The following DSCAML1 variants were observed in gnomAD, a reference collection of about 807,000 sequenced individuals.
The protein encoded by DSCAML1 is DS cell adhesion molecule like 1, also known as cell adhesion molecule DSCAML1.
In DSCAML1, 38 loss-of-function variants were observed where a neutral mutation model predicts 200.5. That is an observed-to-expected ratio of 0.19 (90% confidence interval 0.15 to 0.25). DSCAML1 has a LOEUF of 0.25. Ranked by LOEUF, DSCAML1 falls within the 10% of genes least tolerant of loss-of-function variation. DSCAML1 has a pLI of 1.00. For synonymous variants in DSCAML1, 1,215 were observed against 1,165.0 expected (o/e 1.04, Z -0.87); for missense variants, 2,223 against 2,858.8 (o/e 0.78, Z 5.07).
chr11:117,605,261 G>A (rs79198917), intron 3 of DSCAML1, among the ~76,000 whole-genome samples: 5,724 of 151,972 alleles, frequency 0.038, 186 homozygotes, highest in African/African-American at 0.085. Flanking sequence ...CCCAAAGCAC[G>A]GCTGGTCTGA....
At chr11:117,804,164 G>T (rs1413107476) in intron 1 of DSCAML1, among the ~76,000 whole-genome samples, 5 of 152,248 alleles carry the variant, frequency 3.3e-5, no homozygotes, top group African/African-American at 1.2e-4. Context: ...TGCCCCAGTG[G>T]TGAGTGGGCT....
At chr11:117,610,850 CCCACAATG>C (rs1467094084) in intron 3 of DSCAML1, among the ~76,000 whole-genome samples, 1 of 149,320 alleles carries the variant, frequency 6.7e-6, no homozygotes, top group Non-Finnish European at 1.5e-5. Flanking sequence ...ACCCCCCCCC[CCCACAATG>C]TGTTCGTAGA....
At chr11:117,789,232 T>C (rs967747740) in intron 1 of DSCAML1, among the ~76,000 whole-genome samples, 67 of 152,202 alleles carry the variant, frequency 4.4e-4, no homozygotes, top group African/African-American at 1.6e-3. Flanking sequence ...CAAGGCCCTG[T>C]GCCATCAGCT....
chr11:117,536,796 T>C (rs1591235552), intron 3 of DSCAML1, among the ~76,000 whole-genome samples: 1 of 152,142 alleles, frequency 6.6e-6, no homozygotes, highest in Admixed American at 6.5e-5. Flanking sequence ...GAGTGGTTGG[T>C]TTCTGCTTTT....
At chr11:117,611,549 T>C (rs908044404) in intron 3 of DSCAML1, 1 of 152,202 alleles carries the variant, frequency 6.6e-6, no homozygotes, top group South Asian at 2.1e-4. Context: ...AACCTTTTTA[T>C]TGAATGACTG....
At chr11:117,793,284 TC>T (rs2055509611) in intron 1 of DSCAML1, among the ~76,000 whole-genome samples, 2 of 152,180 alleles carry the variant, frequency 1.3e-5, no homozygotes, top group Middle Eastern at 3.4e-3. Flanking sequence ...AGAAAGTGCT[TC>T]AGGAACTAGG....
At chr11:117,688,016 C>T (rs2053434405) in intron 3 of DSCAML1, among the ~76,000 whole-genome samples, 1 of 152,136 alleles carries the variant, frequency 6.6e-6, no homozygotes, top group African/African-American at 2.4e-5. Context: ...CCAAGCCATT[C>T]CCCGTGGTCG....
At chr11:117,542,869 C>T (rs995313111) in intron 3 of DSCAML1, among the ~76,000 whole-genome samples, 4 of 152,192 alleles carry the variant, frequency 2.6e-5, no homozygotes, top group Non-Finnish European at 5.9e-5. Flanking sequence ...CCTGGGGCTC[C>T]TGAACACAAA....
At chr11:117,458,963 G>A (rs1209033379) in intron 18 of DSCAML1, 54 bp from the exon 19 acceptor site, 22 of 1,586,102 alleles carry the variant, frequency 1.4e-5, no homozygotes, top group African/African-American at 6.7e-5. Flanking sequence ...TGTGGCCCCT[G>A]CTGCTACCCC....
rs1398666921 is a variant in DSCAML1, at chr11:117,780,266, A to AAGAG, written c.364+226_364+227insCTCT. ...AAAGAAAGAAAGAAAGAAAGAAAGA[A>AAGAG]AGAAAGAAAGAAAGAAAGAAAGAAA... On this transcript the variant is annotated intron_variant, in intron 2 of 32. Transcript: ENST00000651296. This position sits in a 1 kb window ranked among gnomAD's most constrained non-coding sequence, Gnocchi z 4.8. Among the ~76,000 whole-genome samples the AAGAG allele has an allele frequency of 2.1e-5, 2 of 94,778 alleles. No individual in the cohort carries two copies. Among genetic ancestry groups the AAGAG allele is most frequent in the Non-Finnish European group, 2.5e-5 (1 of 39,598 alleles). 62.2% of individuals were successfully genotyped at this position (94,778 alleles called of 152,430 possible). A position where few individuals can be genotyped will look rare whatever the true frequency, so the allele number is the denominator to read the frequency against.
Position 117,428,537 on chromosome 11 carries a change from G to T in DSCAML1, c.5953C>A (p.Pro1985Thr), listed in dbSNP as rs967064423. ...AMPAPPAGTA[P>T]PAPGPTPAEP... Reference sequence around the variant, plus strand: ...GCAGGGGTGGGGCCGGGGGCTGGGGGGGCTGTGCCGGCTGGGGGGGCTGGC... The same window carrying T: ...GCAGGGGTGGGGCCGGGGGCTGGGGTGGCTGTGCCGGCTGGGGGGGCTGGC... The change falls in exon 33 of 33, where the codon CCC becomes ACC. Residue 1985 changes from proline to threonine, a missense_variant. Around this residue, in one of 7 missense-constraint regions of DSCAML1, gnomAD observed 280 missense variants for 213.4 expected, o/e 1.31. Coordinates refer to ENST00000651296, the MANE Select transcript of DSCAML1 (RefSeq NM_020693.4). 1 of 1,514,950 alleles carries T rather than the reference G, an allele frequency of 6.6e-7. No individual in the cohort carries two copies. The highest frequency in any genetic ancestry group is 1.2e-5 in the South Asian group (1 of 82,186). The allele number at this position is 1,514,950 out of a possible 1,614,324, so 93.8% of individuals were successfully genotyped here.
chr11:117,483,443 C>T (rs1295618960), intron 11 of DSCAML1, among the ~76,000 whole-genome samples: 4 of 152,308 alleles, frequency 2.6e-5, no homozygotes, highest in South Asian at 4.1e-4. Flanking sequence ...TCATTGAGAC[C>T]TTCTATGTGC....
intron 3 of DSCAML1, among the ~76,000 whole-genome samples, chr11:117,714,622 G>C (rs2053914125): frequency 6.6e-6 from 1 of 152,052 alleles, no homozygotes. Flanking sequence ...GTCGGGAGCA[G>C]CCTGGCCAAC....
intron 18 of DSCAML1, among the ~76,000 whole-genome samples, chr11:117,460,144 C>T (rs1223426081): frequency 6.6e-6 from 1 of 152,210 alleles, no homozygotes; most frequent in Non-Finnish European, 1.5e-5. Context: ...AAAGAGGAAG[C>T]GAGTTCTGGA....
chr11:117,802,218 C>G (rs760709530), upstream of DSCAML1, among the ~76,000 whole-genome samples: 6 of 152,152 alleles, frequency 3.9e-5, no homozygotes, highest in Non-Finnish European at 8.8e-5. Flanking sequence ...CCCCCTTTTT[C>G]ACCTGTTTAA....
intron 4 of DSCAML1, among the ~76,000 whole-genome samples, chr11:117,532,131 C>A (rs202071107): frequency 1.2e-3 from 167 of 139,050 alleles, no homozygotes; most frequent in Middle Eastern, 3.8e-3. Flanking sequence ...ACAGGAAAGA[C>A]AAAAAAAAAA....
At chr11:117,753,195 A>G (rs575021761) in intron 3 of DSCAML1, among the ~76,000 whole-genome samples, 1 of 152,388 alleles carries the variant, frequency 6.6e-6, no homozygotes, top group African/African-American at 2.4e-5. Flanking sequence ...TAAATGATCT[A>G]CAGAGCACTT....
chr11:117,670,969 A>G (rs900730935), intron 3 of DSCAML1, among the ~76,000 whole-genome samples: 1 of 152,058 alleles, frequency 6.6e-6, no homozygotes, highest in African/African-American at 2.4e-5. Context: ...CCATGCACCT[A>G]CCTATTCACG....
At chr11:117,693,028 G>A (rs142819878) in intron 3 of DSCAML1, among the ~76,000 whole-genome samples, 1 of 152,186 alleles carries the variant, frequency 6.6e-6, no homozygotes, top group Non-Finnish European at 1.5e-5. Flanking sequence ...GTGATGCTTA[G>A]AACTGGAGCC....
Sources: allele counts gnomAD v4.1 joint callset (sites outside exome capture counted in the v4.1 genomes callset), GRCh38; gene constraint gnomAD v4.1.1; regional missense constraint gnomAD v4.1.1; non-coding constraint Gnocchi (gnomAD v3.1); transcripts MANE v1.5; gene names NCBI Gene and HGNC (gene_info 2026-07-23, HGNC 2026-07-21).